Variants in HAS1 observed in about 807,000 individuals in gnomAD.
HAS1 encodes the protein hyaluronan synthase 1, also known as HA synthase 1.
Under a neutral mutation model 35.0 loss-of-function variants are expected in HAS1, and 27 were observed. The observed-to-expected ratio is 0.77, with a 90% CI of 0.57 to 1.06. HAS1 has a LOEUF of 1.06. Ranked by LOEUF, HAS1 falls within the 50% of genes least tolerant of loss-of-function variation. The probability of loss-of-function intolerance (pLI) is 0.00; values close to 1 mark genes in which losing one functional copy is unlikely to be tolerated. For missense variants in HAS1, 940 were observed against 814.8 expected, an observed-to-expected ratio of 1.15 and a Z score of -1.87; for synonymous variants, 409 against 371.2, an observed-to-expected ratio of 1.10 and a Z score of -1.17.
rs1280765977 is a variant in HAS1 at position 51,714,097 on chromosome 19, G to A, written c.1064C>T (p.Thr355Ile). The A allele has an allele frequency of 9.3e-6, 15 of 1,611,706 alleles. No individual in the cohort carries two copies. The East Asian group carries it at 2.9e-4, about 31-fold the overall frequency. ...MLSMGYATKYTSRSRCYSETP... is the reference protein window; with the variant it reads ...MLSMGYATKYISRSRCYSETP... ...CTCTGAGTAGCAGCGGGACCTGGAG[G>A]TGTACCTGCACGGGGGCGAGGAATG... The change falls in exon 5 of 5, where the codon ACC (threonine) becomes ATC (isoleucine). Residue 355 changes from threonine to isoleucine, a missense_variant. Physicochemically the swap from Thr to Ile is moderately conservative, Grantham distance 89 (BLOSUM62 -1). Transcript: ENST00000540069.
chr19:51,719,479 G>A lies in HAS1; in HGVS notation c.426C>T (p.Tyr142=), dbSNP rs61736496. The change falls in exon 2 of 5, where the codon TAC becomes TAT. Residue 142 remains tyrosine, a synonymous_variant. Coordinates refer to ENST00000540069, the MANE Select transcript of HAS1 (RefSeq NM_001297436.2). ...AGACCTCGCGGAACATGTCGACCATGTAGAGGTCCTCGGCGCGGTTGCCAT... is the reference window on the plus strand; with the variant it reads ...AGACCTCGCGGAACATGTCGACCATATAGAGGTCCTCGGCGCGGTTGCCAT... ...VVDGNRAEDL[Y]MVDMFREVFA... is the part of the protein sequence containing the mutation. 5,601 of 1,551,248 alleles carry A rather than the reference G, an allele frequency of 3.6e-3. 18 individuals carry two copies. The highest frequency in any genetic ancestry group is 8.4e-3 in the Middle Eastern group (50 of 5,968).
intron 4 of HAS1, 148 bp from the exon 5 acceptor site, chr19:51,714,250 G>T: frequency 7.8e-7 from 1 of 1,286,294 alleles, no homozygotes; most frequent in Non-Finnish European, 1.1e-6. Context: ...GTAGAATAGG[G>T]TGGATAATGG....
Position 51,719,957 on chromosome 19 carries a change from G to A in HAS1, c.10-62C>T, listed in dbSNP as rs576687458. 8 of 1,105,212 alleles carry A rather than the reference G, an allele frequency of 7.2e-6. No homozygotes were observed. The East Asian group carries it at 1.7e-4, about 23-fold the overall frequency. 68.5% of individuals were successfully genotyped at this position (1,105,212 alleles called of 1,614,324 possible). ...TCCCGGGCGCATGAGCCTCCTCCGA[G>A]AGAAGATTAAAAATCCTTTCCTTCC... On this transcript the variant is annotated intron_variant, in intron 1 of 4. Transcript: ENST00000540069.
chr19:51,716,984 G>A lies in HAS1; in HGVS notation c.909C>T (p.Cys303=). Residue 303 remains cysteine, a synonymous_variant, in exon 3 of 5, where the codon TGC becomes TGT. Coordinates refer to ENST00000540069, the MANE Select transcript of HAS1 (RefSeq NM_001297436.2). ...CCTGCTTACCTAGAGGACCGCTGAT[G>A]CAGGATACACAGTGGAAGTAGCTCT... is the stretch of plus-strand genomic sequence containing the variant. ...ACQSYFHCVS[C]ISGPLGLYRN... 1.2e-6 allele frequency: 2 copies of A among 1,612,002 alleles called. No homozygotes were observed. The highest frequency in any genetic ancestry group is 1.7e-6 in the Non-Finnish European group (2 of 1,178,126).
At position 51,720,485 on chromosome 19, in the gene HAS1, C is replaced by G. The variant is rs536699834; in HGVS notation, c.10-590G>C. On this transcript the variant is annotated intron_variant, in intron 1 of 4. Transcript: ENST00000540069. The stretch of plus-strand genomic sequence containing the variant: ...TCTAGGCTTCATGCTGATTAGATTC[C>G]TTCTTTTCATTATTATTTATTTTTA... Among the ~76,000 whole-genome samples, 133 of 152,046 alleles carry G rather than the reference C, an allele frequency of 8.7e-4. 1 individual carries two copies. The highest frequency in any genetic ancestry group is 2.4e-3 in the African/African-American group (100 of 41,476).
In HAS1 at chr19:51,719,548, G is replaced by A; in HGVS notation, c.357C>T (p.Ala119=). Reference sequence around the variant, plus strand: ...GCAGCCGCGCGCGCGGGTACAGCAGGGCGCGGGCGGACGCCAGGCACTGGC... The same window carrying A: ...GCAGCCGCGCGCGCGGGTACAGCAGAGCGCGGGCGGACGCCAGGCACTGGC... ...YLRQCLASAR[A]LLYPRARLRV... is the part of the protein sequence containing the mutation. The change falls in exon 2 of 5, where the codon GCC becomes GCT. Residue 119 remains alanine (A), a synonymous_variant. Coordinates refer to ENST00000540069, the MANE Select transcript of HAS1 (RefSeq NM_001297436.2). 6.5e-7 allele frequency: 1 copy of A among 1,546,590 alleles called. No homozygotes were observed. Among genetic ancestry groups the A allele is most frequent in the South Asian group, 1.2e-5 (1 of 83,494 alleles).
chr19:51,720,402 T>C (rs527402278), intron 1 of HAS1, among the ~76,000 whole-genome samples: 40 of 152,232 alleles, frequency 2.6e-4, no homozygotes, highest in African/African-American at 9.6e-4. Flanking sequence ...AGGCATGAGC[T>C]ACCTCGCCGG....
chr19:51,721,933 C>T (rs1421525164), intron 1 of HAS1, among the ~76,000 whole-genome samples: 1 of 152,160 alleles, frequency 6.6e-6, no homozygotes, highest in Non-Finnish European at 1.5e-5. Flanking sequence ...CAGGTACCTT[C>T]ACTGTCTTCT....
At chr19:51,714,695 T>TAA (rs148154630) in intron 4 of HAS1, among the ~76,000 whole-genome samples, 2 of 95,814 alleles carry the variant, frequency 2.1e-5, no homozygotes, top group Non-Finnish European at 4.0e-5. Context: ...AGACTCTATC[T>TAA]AAGAAAAAAA....
At chr19:51,720,030 G>A in intron 1 of HAS1, 135 bp from the exon 2 acceptor site, 1 of 565,288 alleles carries the variant, frequency 1.8e-6, no homozygotes, top group Non-Finnish European at 3.0e-6. Flanking sequence ...CCCTCCCTCC[G>A]TCCTTCCTTC....
chr19:51,718,977 T>C (rs749132364), intron 2 of HAS1, among the ~76,000 whole-genome samples: 1 of 152,204 alleles, frequency 6.6e-6, no homozygotes, highest in Non-Finnish European at 1.5e-5. Flanking sequence ...AGAATGCCTC[T>C]ACATTGAATG....
At chr19:51,715,227 G>A (rs953469731) in intron 4 of HAS1, among the ~76,000 whole-genome samples, 1 of 152,066 alleles carries the variant, frequency 6.6e-6, no homozygotes, top group Non-Finnish European at 1.5e-5. Flanking sequence ...CCATTACAAC[G>A]TGTCACTTCT....
intron 1 of HAS1, 63 bp from the exon 2 acceptor site, chr19:51,719,958 A>G (rs1162476110): frequency 9.1e-7 from 1 of 1,096,320 alleles, no homozygotes; most frequent in Non-Finnish European, 1.3e-6. Flanking sequence ...CTCCTCCGAG[A>G]GAAGATTAAA....
intron 4 of HAS1, among the ~76,000 whole-genome samples, chr19:51,715,514 ATTT>A (rs201500850): frequency 6.6e-6 from 1 of 152,028 alleles, no homozygotes; most frequent in East Asian, 1.9e-4. Context: ...TGTTCTACTT[ATTT>A]ATTTCTTGTG....
At position 51,719,243 on chromosome 19, in the gene HAS1, G is replaced by C. The variant is rs555126388; in HGVS notation, c.662C>G (p.Ala221Gly). 6 of 1,598,536 alleles carry C rather than the reference G, an allele frequency of 3.8e-6. No homozygotes were observed. In the African/African-American group the frequency reaches 4.1e-5, roughly 11 times the overall value. Residue 221 changes from alanine (A) to glycine (G), a missense_variant, in exon 2 of 5, where the codon GCC (alanine) becomes GGC (glycine). Coordinates refer to ENST00000540069, the MANE Select transcript of HAS1 (RefSeq NM_001297436.2). Reference protein sequence around the residue: ...WGGKREVMYTAFKALGDSVDY... With the variant: ...WGGKREVMYTGFKALGDSVDY... ...CACCGAATCTCCGAGCGCCTTGAAG[G>C]CTGTGTACATGACCTCGCGCTTGCC...
Position 51,714,523 on chromosome 19 carries a change from TAAAAAA to T in HAS1, c.1059-427_1059-422del, listed in dbSNP as rs1192483861. 5.8e-5 allele frequency among the ~76,000 whole-genome samples: 5 copies of T among 85,848 alleles called. No homozygotes were observed. In the East Asian group the frequency reaches 1.6e-3, roughly 27 times the overall value. 56.3% of individuals were successfully genotyped at this position (85,848 alleles called of 152,430 possible). ...AGGCAACATAGTGAGACCCCATCTCTAAAAAAAAAAAAAAAAAAAAAAAATTAGCCG... is the reference window on the plus strand; with the variant it reads ...AGGCAACATAGTGAGACCCCATCTCTAAAAAAAAAAAAAAAAAATTAGCCG... On this transcript the variant is annotated intron_variant, in intron 4 of 4. Coordinates refer to ENST00000540069, the MANE Select transcript of HAS1 (RefSeq NM_001297436.2).
chr19:51,720,033 C>A, intron 1 of HAS1, 138 bp from the exon 2 acceptor site: 1 of 585,454 alleles, frequency 1.7e-6, no homozygotes, highest in East Asian at 3.1e-5. Flanking sequence ...TCCCTCCGTC[C>A]TTCCTTCTCT....
Position 51,713,458 on chromosome 19 carries a change from C to A in HAS1, c.1703G>T (p.Arg568Leu). 2 of 1,552,594 alleles carry A rather than the reference C, an allele frequency of 1.3e-6. No individual in the cohort carries two copies. The highest frequency in any genetic ancestry group is 8.7e-7 in the Non-Finnish European group (1 of 1,148,546). Residue 568 changes from arginine to leucine, a missense_variant, in exon 5 of 5, where the codon CGG becomes CTG. Physicochemically the swap from Arg to Leu is moderately radical, Grantham distance 102 (BLOSUM62 -2). Coordinates refer to ENST00000540069, the MANE Select transcript of HAS1 (RefSeq NM_001297436.2). The surrounding 1 kb of genome is among the most constrained non-coding windows in gnomAD (Gnocchi z 4.5). ...YWVGVRRLCR[R>L]RTGGYRVQV Reference sequence around the variant, plus strand: ...CTGGACGCGGTAGCCCCCGGTCCGCCGCCGGCAAAGCCTCCGCACGCCCAC... The same window carrying A: ...CTGGACGCGGTAGCCCCCGGTCCGCAGCCGGCAAAGCCTCCGCACGCCCAC...
At chr19:51,715,673 A>C (rs11667949) in intron 4 of HAS1, among the ~76,000 whole-genome samples, 115,905 of 152,080 alleles carry the variant, frequency 0.76, 44,401 homozygotes, top group East Asian at 0.99. Flanking sequence ...TCCTCTGGGT[A>C]TTTCAGTGGA....
Sources: allele counts gnomAD v4.1 joint callset (sites outside exome capture counted in the v4.1 genomes callset), GRCh38; gene constraint gnomAD v4.1.1; non-coding constraint Gnocchi (gnomAD v3.1); transcripts MANE v1.5; gene names NCBI Gene and HGNC (gene_info 2026-07-23, HGNC 2026-07-21).